Variants in BMAL1 observed in about 807,000 individuals in gnomAD.
BMAL1 encodes the protein basic helix-loop-helix ARNT-like protein 1.
chr11:13,290,657 T>G, the BMAL1 span, among the ~76,000 whole-genome samples: 1 of 152,034 alleles, frequency 6.6e-6, no homozygotes, highest in East Asian at 1.9e-4. Flanking sequence ...GCTTACATAC[T>G]TTTTCTCATT....
chr11:13,380,966 C>G, the BMAL1 span: 1 of 553,046 alleles, frequency 1.8e-6, no homozygotes, highest in Non-Finnish European at 3.2e-6. Flanking sequence ...TGGCTGCTTT[C>G]AAGCTGCAGA....
the BMAL1 span, among the ~76,000 whole-genome samples, chr11:13,327,355 G>T: frequency 6.6e-6 from 1 of 152,194 alleles, no homozygotes; most frequent in East Asian, 1.9e-4. Flanking sequence ...GCTCATCGCA[G>T]ATGCTGTTAT....
At chr11:13,322,724 A>AC in the BMAL1 span, among the ~76,000 whole-genome samples, 405 of 148,302 alleles carry the variant, frequency 2.7e-3, 3 homozygotes, top group African/African-American at 8.9e-3. Flanking sequence ...AGAGAGGATG[A>AC]CACAGGTTCT....
the BMAL1 span, among the ~76,000 whole-genome samples, chr11:13,313,944 T>G: frequency 9.3e-5 from 11 of 118,568 alleles, no homozygotes; most frequent in Non-Finnish European, 1.5e-4. Flanking sequence ...ATTTCTAACC[T>G]CAGCCTAGCT....
chr11:13,381,058 A>G, the BMAL1 span: 1 of 1,210,540 alleles, frequency 8.3e-7, no homozygotes, highest in Non-Finnish European at 1.2e-6. Flanking sequence ...AGCTTGCCAA[A>G]CCCTAATCTA....
At chr11:13,376,686 G>A in the BMAL1 span, 18 of 1,614,058 alleles carry the variant, frequency 1.1e-5, no homozygotes, top group Non-Finnish European at 1.5e-5. Context: ...ACAGCTCACA[G>A]CATCCCCCCA....
the BMAL1 span, among the ~76,000 whole-genome samples, chr11:13,384,134 AGT>A: frequency 6.6e-6 from 1 of 152,200 alleles, no homozygotes; most frequent in South Asian, 2.1e-4. Flanking sequence ...AAATGAATGA[AGT>A]GAACCTGTCA....
chr11:13,319,150 T>C, the BMAL1 span, among the ~76,000 whole-genome samples: 459 of 152,364 alleles, frequency 3.0e-3, 5 homozygotes, highest in African/African-American at 9.8e-3. Flanking sequence ...ATTATTATGG[T>C]TATTTTTCCA....
At chr11:13,325,439 CT>C in the BMAL1 span, among the ~76,000 whole-genome samples, 1 of 152,058 alleles carries the variant, frequency 6.6e-6, no homozygotes, top group Non-Finnish European at 1.5e-5. Context: ...TGCTTTTTTT[CT>C]TTTCTTTTTT....
chr11:13,377,054 T>C, the BMAL1 span, among the ~76,000 whole-genome samples: 2 of 152,194 alleles, frequency 1.3e-5, no homozygotes, highest in East Asian at 3.9e-4. Flanking sequence ...CTTTCGTGAC[T>C]GTCACTAACT....
chr11:13,329,359 G>T, the BMAL1 span, among the ~76,000 whole-genome samples: 1 of 152,278 alleles, frequency 6.6e-6, no homozygotes, highest in African/African-American at 2.4e-5. Context: ...CCACATATTA[G>T]TTCTCTTGTT....
the BMAL1 span, among the ~76,000 whole-genome samples, chr11:13,313,107 T>C: frequency 1.3e-5 from 2 of 152,238 alleles, no homozygotes; most frequent in African/African-American, 4.8e-5. Flanking sequence ...TTGTTTTACT[T>C]GGCTGCCATT....
At chr11:13,327,480 G>A in the BMAL1 span, among the ~76,000 whole-genome samples, 1 of 151,980 alleles carries the variant, frequency 6.6e-6, no homozygotes, top group African/African-American at 2.4e-5. Flanking sequence ...AAACTTTCTA[G>A]CCCCTAAGTT....
the BMAL1 span, among the ~76,000 whole-genome samples, chr11:13,285,416 CTTG>C: frequency 4.3e-4 from 65 of 152,222 alleles, no homozygotes; most frequent in Non-Finnish European, 7.8e-4. Flanking sequence ...ACGTTCATGC[CTTG>C]TTGTGAGAAG....
chr11:13,366,267 C>T, the BMAL1 span, among the ~76,000 whole-genome samples: 1 of 152,154 alleles, frequency 6.6e-6, no homozygotes, highest in Admixed American at 6.5e-5. Context: ...GAGGAAGTTG[C>T]TGTTATCTCT....
At chr11:13,284,270 T>A in the BMAL1 span, among the ~76,000 whole-genome samples, 10 of 30,088 alleles carry the variant, frequency 3.3e-4, no homozygotes, top group African/African-American at 7.6e-4. Context: ...ATATATATTT[T>A]TTTTTTTAAT....
chr11:13,338,546 C>A, the BMAL1 span, among the ~76,000 whole-genome samples: 1 of 152,194 alleles, frequency 6.6e-6, no homozygotes, highest in African/African-American at 2.4e-5. Context: ...GATATCCTTG[C>A]CCCGTAGGTG....
chr11:13,372,025 A>G, the BMAL1 span: 15 of 1,204,524 alleles, frequency 1.2e-5, no homozygotes, highest in South Asian at 2.1e-4. Context: ...CTTTCATTAG[A>G]TGCTTACTTC....
the BMAL1 span, chr11:13,354,541 A>T: frequency 2.7e-6 from 4 of 1,498,590 alleles, no homozygotes; most frequent in Non-Finnish European, 3.6e-6. Context: ...TTCATCCTGG[A>T]AAAGGGGATG....
Sources: allele counts gnomAD v4.1 joint callset (sites outside exome capture counted in the v4.1 genomes callset), GRCh38; gene constraint gnomAD v4.1.1; transcripts MANE v1.5; gene names NCBI Gene and HGNC (gene_info 2026-07-23, HGNC 2026-07-21).